The following ABCA12 variants were observed in gnomAD, a reference collection of about 807,000 sequenced individuals.
ABCA12 encodes glucosylceramide transporter ABCA12.
A neutral mutation model predicts 293.5 loss-of-function variants in ABCA12; 156 were observed. The ratio of observed to expected loss-of-function variants is 0.53; its 90% CI spans 0.47 to 0.61. ABCA12 has a LOEUF of 0.61. Ranked by LOEUF, ABCA12 falls within the 20% of genes least tolerant of loss-of-function variation. The pLI is 0.00. For synonymous variants in ABCA12, 1,063 were observed against 1,108.0 expected (o/e 0.96, Z 0.81); for missense variants, 2,797 against 3,090.2 (o/e 0.91, Z 2.25).
chr2:215,067,423 C>T (rs920937766), intron 2 of ABCA12, among the ~76,000 whole-genome samples: 2 of 151,970 alleles, frequency 1.3e-5, no homozygotes, highest in Non-Finnish European at 2.9e-5. Flanking sequence ...ACCATGGCAG[C>T]CCTATACAAG....
intron 30 of ABCA12, among the ~76,000 whole-genome samples, 161 bp downstream of exon 30, chr2:214,982,026 G>T (rs2105966358): frequency 6.7e-6 from 1 of 149,570 alleles, no homozygotes; most frequent in East Asian, 1.9e-4. Context: ...TACCCAGGCT[G>T]GTCTCAAACT....
chr2:214,994,682 G>A (rs1332590184), intron 23 of ABCA12, among the ~76,000 whole-genome samples: 1 of 152,166 alleles, frequency 6.6e-6, no homozygotes, highest in Non-Finnish European at 1.5e-5. Context: ...TATAAAGGAT[G>A]TTGTGATCAT....
At position 215,011,366 on chromosome 2, in the gene ABCA12, A is replaced by C. The variant is rs574676491; in HGVS notation, c.2332+73T>G. On this transcript the variant is annotated intron_variant, in intron 17 of 52. Transcript: ENST00000272895. ...AATTAATACTTCATTTATCATAAAA[A>C]ACTAAGACAGAATAGACAGTATTCT... is the stretch of plus-strand genomic sequence containing the variant. 1.8e-4 allele frequency: 213 copies of C among 1,165,556 alleles called. 4 individuals carry two copies. The Middle Eastern group carries it at 3.4e-3, about 18-fold the overall frequency. The allele number at this position is 1,165,556 out of a possible 1,614,324, so 72.2% of individuals were successfully genotyped here.
intron 39 of ABCA12, 107 bp downstream of exon 39, chr2:214,966,741 T>A (rs1408546168): frequency 1.0e-6 from 1 of 967,534 alleles, no homozygotes; most frequent in East Asian, 2.5e-5. Flanking sequence ...GTGATTTAGA[T>A]ACCATAAAAT....
intron 50 of ABCA12, among the ~76,000 whole-genome samples, chr2:214,940,098 G>T (rs1157484333): frequency 6.6e-6 from 1 of 152,140 alleles, no homozygotes; most frequent in East Asian, 1.9e-4. Flanking sequence ...TTGGCTGTGG[G>T]TTTGTCATAA....
intron 11 of ABCA12, among the ~76,000 whole-genome samples, chr2:215,020,292 G>GCA (rs55917549): frequency 6.0e-5 from 9 of 148,804 alleles, no homozygotes; most frequent in African/African-American, 2.0e-4. Flanking sequence ...GGGAATGTAT[G>GCA]CACACACACA....
intron 1 of ABCA12, among the ~76,000 whole-genome samples, chr2:215,126,700 G>A (rs973443506): frequency 4.6e-5 from 7 of 151,808 alleles, no homozygotes; most frequent in African/African-American, 1.7e-4. Context: ...TTCTTTTCTT[G>A]GTTAATCTTG....
At chr2:215,089,622 C>T (rs765358898) in intron 2 of ABCA12, among the ~76,000 whole-genome samples, 3 of 152,124 alleles carry the variant, frequency 2.0e-5, no homozygotes, top group Non-Finnish European at 2.9e-5. Flanking sequence ...CAGTGGAGGT[C>T]GCTAAAGATT....
At chr2:215,008,478 A>G (rs1003450310) in intron 18 of ABCA12, among the ~76,000 whole-genome samples, 1 of 151,136 alleles carries the variant, frequency 6.6e-6, no homozygotes, top group African/African-American at 2.4e-5. Context: ...TCGGTGTTAT[A>G]AAAAAAAATG....
At chr2:215,031,740 T>G in intron 9 of ABCA12, 81 bp downstream of exon 9, 1 of 1,558,522 alleles carries the variant, frequency 6.4e-7, no homozygotes, top group South Asian at 1.1e-5. Context: ...TATACACTGA[T>G]AAGCGAATTA....
rs749635730 is a variant in ABCA12 at position 214,932,644 on chromosome 2, A to C, written c.7778T>G (p.Met2593Arg). The C allele has an allele frequency of 6.2e-7, 1 of 1,612,424 alleles. No individual in the cohort carries two copies. The highest frequency in any genetic ancestry group is 1.7e-5 in the Admixed American group (1 of 59,920). ...TISVDSQDDQ[M>R]ES is the part of the protein sequence containing the mutation. The stretch of plus-strand genomic sequence containing the variant: ...AGTTTGCTGGAAGTGTTAAGACTCC[A>C]TCTGGTCATCTTGTGAGTCAACACT... The change falls in exon 53 of 53, where the codon ATG becomes AGG. Residue 2593 changes from methionine (M) to arginine (R), a missense_variant. Transcript: ENST00000272895.
In ABCA12 at chr2:214,958,209, T is replaced by C. The variant is rs772319495; in HGVS notation, c.6117+68A>G. 1.9e-6 allele frequency: 3 copies of C among 1,589,478 alleles called. No individual in the cohort carries two copies. The South Asian group carries it at 3.3e-5, about 18-fold the overall frequency. ...CAAACTAGAGTAAATAACTCTTGAA[T>C]AGAAAACTGATGTCTTCTATCCAAA... On this transcript the variant is annotated intron_variant, in intron 41 of 52. Coordinates refer to ENST00000272895, the MANE Select transcript of ABCA12 (RefSeq NM_173076.3).
intron 2 of ABCA12, among the ~76,000 whole-genome samples, chr2:215,076,974 T>G (rs994713194): frequency 3.9e-5 from 6 of 152,010 alleles, no homozygotes; most frequent in Non-Finnish European, 8.8e-5. Flanking sequence ...GTAAAAAATA[T>G]AAAACAAGCA....
intron 1 of ABCA12, among the ~76,000 whole-genome samples, chr2:215,118,809 T>G (rs1702740818): frequency 6.6e-6 from 1 of 152,204 alleles, no homozygotes; most frequent in Non-Finnish European, 1.5e-5. Flanking sequence ...GTATGTCATC[T>G]TTTGAGAAGT....
chr2:214,988,633 T>A (rs1243057227), intron 26 of ABCA12, among the ~76,000 whole-genome samples: 2 of 152,206 alleles, frequency 1.3e-5, no homozygotes, highest in Non-Finnish European at 2.9e-5. Flanking sequence ...CTTCTTCCGT[T>A]AGAATCTGGT....
intron 49 of ABCA12, among the ~76,000 whole-genome samples, chr2:214,943,612 TTC>T (rs1368777612): frequency 6.6e-5 from 10 of 152,260 alleles, no homozygotes; most frequent in African/African-American, 2.4e-4. Flanking sequence ...AACCTAGTAT[TTC>T]TTTCAATCTT....
In ABCA12 at chr2:215,119,143, G is replaced by C. The variant is rs145106286; in HGVS notation, c.70-7453C>G. Among the ~76,000 whole-genome samples, 866 of 152,128 alleles carry C rather than the reference G, an allele frequency of 5.7e-3. 6 individuals carry two copies. Among genetic ancestry groups the C allele is most frequent in the African/African-American group, 0.02 (821 of 41,500 alleles). Reference sequence around the variant, plus strand: ...GTGCCACCACGCCTGGCTAAGTTTTGTATTTTTAGTAGAGACAGGGTTTCA... The same window carrying C: ...GTGCCACCACGCCTGGCTAAGTTTTCTATTTTTAGTAGAGACAGGGTTTCA... On this transcript the variant is annotated intron_variant, in intron 1 of 52. Transcript: ENST00000272895.
At chr2:215,035,614 G>A (rs919058219) in intron 8 of ABCA12, among the ~76,000 whole-genome samples, 33 of 143,470 alleles carry the variant, frequency 2.3e-4, no homozygotes, top group African/African-American at 8.1e-4. Flanking sequence ...ACGGTGAGCC[G>A]AGATCGCGCC....
chr2:215,048,983 C>A (rs182140745), intron 6 of ABCA12, among the ~76,000 whole-genome samples: 1 of 152,196 alleles, frequency 6.6e-6, no homozygotes, highest in African/African-American at 2.4e-5. Flanking sequence ...AGGGAAACAA[C>A]CGACACTGGG....
Sources: gnomAD v4.1 joint callset for allele counts (sites outside exome capture counted in the v4.1 genomes callset) on GRCh38, gnomAD v4.1.1 for gene constraint, MANE v1.5 for transcripts, NCBI Gene and HGNC (gene_info 2026-07-23, HGNC 2026-07-21) for gene names.